Variants in ASCC3 observed in about 807,000 individuals in gnomAD.
ASCC3 encodes the protein ASC-1 complex subunit P200.
In ASCC3, 158 loss-of-function variants were observed where a neutral mutation model predicts 256.3. The observed-to-expected ratio is 0.62, with a 90% CI of 0.54 to 0.70. The LOEUF is 0.70. Among genes scored for constraint, ASCC3 ranks in the 30% least tolerant of loss-of-function variants. The probability of loss-of-function intolerance (pLI) is 0.00; values close to 1 mark genes in which losing one functional copy is unlikely to be tolerated. For synonymous variants in ASCC3, 948 were observed against 883.4 expected, an observed-to-expected ratio of 1.07 and a Z score of -1.30; for missense variants, 2,259 against 2,626.0, an observed-to-expected ratio of 0.86 and a Z score of 3.05.
At chr6:100,534,682 C>T in intron 37 of ASCC3, among the ~76,000 whole-genome samples, 1 of 152,082 alleles carries the variant, frequency 6.6e-6, no homozygotes, top group East Asian at 1.9e-4. Flanking sequence ...GTAACAGTAA[C>T]ATATTGAAAG....
intron 25 of ASCC3, among the ~76,000 whole-genome samples, chr6:100,636,697 A>C (rs375772044): frequency 7.0e-4 from 107 of 152,326 alleles, no homozygotes; most frequent in African/African-American, 2.5e-3. Context: ...GGAAATGAAA[A>C]GTGCTACTTC....
intron 6 of ASCC3, 103 bp downstream of exon 6, chr6:100,800,197 A>G: frequency 7.9e-7 from 1 of 1,262,662 alleles, no homozygotes; most frequent in Non-Finnish European, 1.1e-6. Context: ...CGTGACTTGA[A>G]GTAAAAATCA....
chr6:100,584,139 C>T (rs544855835), intron 36 of ASCC3, among the ~76,000 whole-genome samples: 2 of 150,874 alleles, frequency 1.3e-5, no homozygotes, highest in South Asian at 2.1e-4. Flanking sequence ...TCCTGGGTAT[C>T]CTTGTTGACT....
chr6:100,757,952 A>G (rs1212231479), intron 10 of ASCC3, among the ~76,000 whole-genome samples: 1 of 152,206 alleles, frequency 6.6e-6, no homozygotes, highest in African/African-American at 2.4e-5. Flanking sequence ...TGACAACACC[A>G]GCCAAACACC....
At chr6:100,645,419 T>G (rs1293431057) in intron 22 of ASCC3, among the ~76,000 whole-genome samples, 1 of 152,058 alleles carries the variant, frequency 6.6e-6, no homozygotes, top group Admixed American at 6.5e-5. Flanking sequence ...TAGACACTTT[T>G]AAGACCAACG....
In ASCC3 at chr6:100,838,460, C is replaced by A. The variant is rs9386258; in HGVS notation, c.801+9688G>T. On this transcript the variant is annotated intron_variant, in intron 4 of 41. Coordinates refer to ENST00000369162, the MANE Select transcript of ASCC3 (RefSeq NM_006828.4). ...GTCATAAATAACATAAGAAAATGACCATGAAAATTATGACAGCATTTATTT... is the reference window on the plus strand; with the variant it reads ...GTCATAAATAACATAAGAAAATGACAATGAAAATTATGACAGCATTTATTT... Among the ~76,000 whole-genome samples the A allele has an allele frequency of 5.1e-3, 768 of 151,728 alleles. 4 individuals are homozygous for A. Among genetic ancestry groups the A allele is most frequent in the Middle Eastern group, 7.2e-3 (2 of 276 alleles).
At chr6:100,541,433 G>A (rs756960684) in intron 36 of ASCC3, among the ~76,000 whole-genome samples, 7 of 152,170 alleles carry the variant, frequency 4.6e-5, no homozygotes, top group African/African-American at 9.7e-5. Flanking sequence ...TGCATGGAGC[G>A]TTACCACACT....
chr6:100,537,016 T>C (rs1291569930), intron 37 of ASCC3, among the ~76,000 whole-genome samples: 1 of 152,204 alleles, frequency 6.6e-6, no homozygotes, highest in Non-Finnish European at 1.5e-5. Context: ...ACAGTAGTAA[T>C]TGTTCTGGGC....
At position 100,881,199 on chromosome 6, in the gene ASCC3, T is replaced by C. The variant is rs78881114; in HGVS notation, c.-180A>G. The stretch of plus-strand genomic sequence containing the variant: ...CCAAAGATGCGAGCGGGCAGCTGTA[T>C]CGCCGCGCCCCGTCCGCCCTCCAAG... On this transcript the variant is annotated 5_prime_UTR_variant, in exon 1 of 42. Coordinates refer to ENST00000369162, the MANE Select transcript of ASCC3 (RefSeq NM_006828.4). The C allele has an allele frequency of 0.013, 1,935 of 152,472 alleles. 19 individuals are homozygous for C. The highest frequency in any genetic ancestry group is 0.045 in the East Asian group (234 of 5,174). 9.4% of individuals were successfully genotyped at this position (152,472 alleles called of 1,614,324 possible).
chr6:100,818,318 CAGCACT>C, intron 4 of ASCC3, among the ~76,000 whole-genome samples: 1 of 151,976 alleles, frequency 6.6e-6, no homozygotes, highest in Non-Finnish European at 1.5e-5. Context: ...CTTGTAATCC[CAGCACT>C]TTGGGAGGCC....
intron 36 of ASCC3, among the ~76,000 whole-genome samples, chr6:100,577,829 C>A (rs960207021): frequency 6.6e-6 from 1 of 151,918 alleles, no homozygotes; most frequent in Non-Finnish European, 1.5e-5. Flanking sequence ...TTAGAAAGTG[C>A]CTTACACATT....
intron 36 of ASCC3, among the ~76,000 whole-genome samples, chr6:100,581,985 A>C (rs1771305149): frequency 6.6e-6 from 1 of 152,146 alleles, no homozygotes; most frequent in African/African-American, 2.4e-5. Flanking sequence ...TGGTTACTGT[A>C]GCCTTGTAGT....
chr6:100,644,594 C>T (rs914315281), intron 22 of ASCC3, among the ~76,000 whole-genome samples: 1 of 152,100 alleles, frequency 6.6e-6, no homozygotes, highest in African/African-American at 2.4e-5. Context: ...ATGTCTTTCT[C>T]TCTCTCTTAC....
chr6:100,636,080 T>C (rs1353096502), intron 25 of ASCC3, among the ~76,000 whole-genome samples: 1 of 152,212 alleles, frequency 6.6e-6, no homozygotes, highest in Non-Finnish European at 1.5e-5. Context: ...ATTTTCTTGC[T>C]GCAAATTATC....
chr6:100,650,947 T>C (rs1775638874), intron 19 of ASCC3, among the ~76,000 whole-genome samples: 1 of 151,832 alleles, frequency 6.6e-6, no homozygotes, highest in South Asian at 2.1e-4. Flanking sequence ...AATATTAAAT[T>C]TGCCATTGAC....
At chr6:100,822,062 T>C (rs925042962) in intron 4 of ASCC3, among the ~76,000 whole-genome samples, 33 of 152,260 alleles carry the variant, frequency 2.2e-4, no homozygotes, top group South Asian at 4.2e-4. Context: ...AGATTTCTTT[T>C]TGAGGTGATG....
intron 36 of ASCC3, among the ~76,000 whole-genome samples, chr6:100,583,535 C>T (rs1033816238): frequency 3.3e-5 from 5 of 152,138 alleles, no homozygotes; most frequent in African/African-American, 1.2e-4. Flanking sequence ...TTTCCAAAAA[C>T]CAGCTCCTGA....
chr6:100,620,455 T>A (rs1272268052), intron 30 of ASCC3, among the ~76,000 whole-genome samples: 1 of 152,162 alleles, frequency 6.6e-6, no homozygotes, highest in Admixed American at 6.5e-5. Context: ...AGAAGATAGA[T>A]GAATAACTCT....
At chr6:100,625,694 C>T (rs1774194629) in intron 29 of ASCC3, among the ~76,000 whole-genome samples, 1 of 152,068 alleles carries the variant, frequency 6.6e-6, no homozygotes. Context: ...TTGTGTTTCT[C>T]AGCTATTTGT....
Sources: allele counts gnomAD v4.1 joint callset (sites outside exome capture counted in the v4.1 genomes callset), GRCh38; gene constraint gnomAD v4.1.1; transcripts MANE v1.5; gene names NCBI Gene and HGNC (gene_info 2026-07-23, HGNC 2026-07-21).